The following XPO4 variants were observed in gnomAD, a reference collection of about 807,000 sequenced individuals.
XPO4 encodes the protein exportin 4.
XPO4 carries 39 observed loss-of-function variants against 143.0 expected under a neutral mutation model. The ratio of observed to expected loss-of-function variants is 0.27; its 90% CI spans 0.21 to 0.36. XPO4 has a LOEUF of 0.36. Among genes scored for constraint, XPO4 ranks in the 10% least tolerant of loss-of-function variants. XPO4 has a pLI of 1.00. For missense variants in XPO4, 907 were observed against 1,348.0 expected (o/e 0.67, Z 5.12); for synonymous variants, 439 against 474.0 (o/e 0.93, Z 0.96).
intron 7 of XPO4, 74 bp from the exon 8 acceptor site, chr13:20,822,363 G>T: frequency 7.6e-7 from 1 of 1,310,102 alleles, no homozygotes; most frequent in Non-Finnish European, 1.0e-6. Flanking sequence ...CATGCCGAAT[G>T]AGGTAAGACA....
intron 1 of XPO4, among the ~76,000 whole-genome samples, chr13:20,873,690 G>A (rs1198070250): frequency 6.6e-6 from 1 of 152,046 alleles, no homozygotes; most frequent in African/African-American, 2.4e-5. Flanking sequence ...GAGTGCAGTG[G>A]CACAATCTCG....
chr13:20,844,435 T>C (rs2060009945), intron 4 of XPO4, among the ~76,000 whole-genome samples: 1 of 152,202 alleles, frequency 6.6e-6, no homozygotes, highest in Non-Finnish European at 1.5e-5. Context: ...AAGATTTTTC[T>C]TCTCATTGGT....
chr13:20,868,695 G>A lies in XPO4; in HGVS notation c.76C>T (p.Pro26Ser). The change falls in exon 2 of 23, where the codon CCT becomes TCT. Residue 26 changes from proline (P) to serine (S), a missense_variant. Physicochemically the swap from Pro to Ser is moderately conservative, Grantham distance 74. Coordinates refer to ENST00000255305, the MANE Select transcript of XPO4 (RefSeq NM_022459.5). ...CGTTGTTCATTATTGACCATGGAAG[G>A]TGGTGCCTTGAGAGTTAAAGACAAG... ...ENAAKVLMAP[P>S]SMVNNEQRQH... The A allele has an allele frequency of 6.2e-7, 1 of 1,612,292 alleles. No homozygotes were observed. The highest frequency in any genetic ancestry group is 8.5e-7 in the Non-Finnish European group (1 of 1,179,268).
chr13:20,837,575 T>G, intron 6 of XPO4, among the ~76,000 whole-genome samples: 1 of 152,118 alleles, frequency 6.6e-6, no homozygotes, highest in Non-Finnish European at 1.5e-5. Context: ...CTGGCTAATT[T>G]TTTGTAAGAG....
chr13:20,898,950 A>T (rs184274990), intron 1 of XPO4, among the ~76,000 whole-genome samples: 219 of 152,166 alleles, frequency 1.4e-3, no homozygotes, highest in African/African-American at 5.1e-3. Context: ...CCAAGGCAAG[A>T]GTATCACTTG....
chr13:20,808,515 A>G lies in XPO4; in HGVS notation c.1560T>C (p.Ala520=), dbSNP rs1283820064. The G allele has an allele frequency of 5.1e-6, 8 of 1,577,490 alleles. No individual in the cohort carries two copies. The highest frequency in any genetic ancestry group is 6.9e-6 in the Non-Finnish European group (8 of 1,153,102). ...QLQRHQQQLL[A]SPGSSTVDNK... is the part of the protein sequence containing the mutation. ...TGTCAACAGTGCTTGAACCCGGTGAAGCAAGTAACTGTTGCTGATGTCGTT... is the reference window on the plus strand; with the variant it reads ...TGTCAACAGTGCTTGAACCCGGTGAGGCAAGTAACTGTTGCTGATGTCGTT... Residue 520 remains alanine, a synonymous_variant, in exon 12 of 23, where the codon GCT becomes GCC. Coordinates refer to ENST00000255305, the MANE Select transcript of XPO4 (RefSeq NM_022459.5).
intron 7 of XPO4, among the ~76,000 whole-genome samples, chr13:20,823,623 A>AT (rs913940876): frequency 6.7e-6 from 1 of 149,110 alleles, no homozygotes; most frequent in Non-Finnish European, 1.5e-5. Flanking sequence ...TAAAAATAAT[A>AT]TTTTGTGACC....
chr13:20,809,661 G>A (rs1298995971), intron 10 of XPO4, 130 bp downstream of exon 10: 2 of 1,018,598 alleles, frequency 2.0e-6, no homozygotes, highest in South Asian at 4.4e-5. Flanking sequence ...AGAGAACAAG[G>A]CCACTTTTGC....
intron 4 of XPO4, among the ~76,000 whole-genome samples, chr13:20,854,433 T>C (rs1277540302): frequency 6.6e-6 from 1 of 152,172 alleles, no homozygotes; most frequent in Non-Finnish European, 1.5e-5. Flanking sequence ...AAGCATCAAC[T>C]ACATCGTTAA....
chr13:20,863,248 C>A, intron 2 of XPO4: 1 of 321,094 alleles, frequency 3.1e-6, no homozygotes, highest in African/African-American at 2.2e-5. Flanking sequence ...ATAAACTAGT[C>A]ATTGAACATT....
At position 20,790,665 on chromosome 13, in the gene XPO4, C is replaced by T. The variant is rs2059268329; in HGVS notation, c.2798-85G>A. On this transcript the variant is annotated intron_variant, in intron 18 of 22. Transcript: ENST00000255305. ...TATTCTACCCTTATGAAAATAAACT[C>T]ACCCCTAGAGGCTAAATAAATCAAT... 6 of 1,048,678 alleles carry T rather than the reference C, an allele frequency of 5.7e-6. No homozygotes were observed. The South Asian group carries it at 8.1e-5, about 14-fold the overall frequency. The allele number at this position is 1,048,678 out of a possible 1,614,324, so 65.0% of individuals were successfully genotyped here.
intron 6 of XPO4, among the ~76,000 whole-genome samples, chr13:20,839,774 AG>A (rs2059955441): frequency 6.6e-6 from 1 of 152,188 alleles, no homozygotes; most frequent in Admixed American, 6.5e-5. Flanking sequence ...ACCTGAGGTC[AG>A]GAGTTCAAGA....
intron 3 of XPO4, among the ~76,000 whole-genome samples, chr13:20,856,598 T>C (rs1329623467): frequency 6.6e-6 from 1 of 152,180 alleles, no homozygotes; most frequent in Non-Finnish European, 1.5e-5. Context: ...GTGGGAACCA[T>C]TCTAGCTTTC....
At chr13:20,797,490 G>A (rs752278299) in intron 16 of XPO4, among the ~76,000 whole-genome samples, 21 of 152,046 alleles carry the variant, frequency 1.4e-4, no homozygotes, top group African/African-American at 3.9e-4. Flanking sequence ...GGCACAGAAC[G>A]TAACTTCAGA....
rs1324555158 is a variant in XPO4, at chr13:20,783,009, G to C, written c.*713C>G. 1 of 152,330 alleles carries C rather than the reference G, an allele frequency of 6.6e-6. No individual in the cohort carries two copies. The highest frequency in any genetic ancestry group is 1.5e-5 in the Non-Finnish European group (1 of 68,056). The allele number at this position is 152,330 out of a possible 1,614,324, so 9.4% of individuals were successfully genotyped here. A position where few individuals can be genotyped will look rare whatever the true frequency, so the allele number is the denominator to read the frequency against. Reference sequence around the variant, plus strand: ...AAGAGAGAGACAGAAAGCAAGAAAAGCAAGAAAGCAAGCAAGCAAGAAAGC... The same window carrying C: ...AAGAGAGAGACAGAAAGCAAGAAAACCAAGAAAGCAAGCAAGCAAGAAAGC... On this transcript the variant is annotated 3_prime_UTR_variant, in exon 23 of 23. Transcript: ENST00000255305.
At chr13:20,869,024 T>C (rs747444311) in intron 1 of XPO4, among the ~76,000 whole-genome samples, 18 of 152,170 alleles carry the variant, frequency 1.2e-4, no homozygotes, top group Non-Finnish European at 2.5e-4. Flanking sequence ...TTATCACCTT[T>C]TATTCCAAAA....
intron 18 of XPO4, among the ~76,000 whole-genome samples, chr13:20,790,783 G>A (rs2059269738): frequency 6.6e-6 from 1 of 152,146 alleles, no homozygotes; most frequent in Non-Finnish European, 1.5e-5. Context: ...AAAGATCTGA[G>A]ACCCCAGCCC....
chr13:20,836,616 T>C (rs2059919680), intron 6 of XPO4, among the ~76,000 whole-genome samples: 1 of 152,220 alleles, frequency 6.6e-6, no homozygotes, highest in East Asian at 1.9e-4. Flanking sequence ...GCAGTTGACC[T>C]GTGTGAAGTG....
rs2059145473 is a variant in XPO4 at position 20,781,658 on chromosome 13, C to T, written c.*2064G>A. On this transcript the variant is annotated 3_prime_UTR_variant, in exon 23 of 23. Coordinates refer to ENST00000255305, the MANE Select transcript of XPO4 (RefSeq NM_022459.5). ...TTTACTTACCAAGGCATTCCTTTCC[C>T]ACTCCTCTTTAGTTTTAATAACTTG... 6.6e-6 allele frequency: 1 copy of T among 152,112 alleles called. No homozygotes were observed. The highest frequency in any genetic ancestry group is 2.4e-5 in the African/African-American group (1 of 41,404). The allele number at this position is 152,112 out of a possible 1,614,324, so 9.4% of individuals were successfully genotyped here.
Sources: gnomAD v4.1 joint callset for allele counts (sites outside exome capture counted in the v4.1 genomes callset) on GRCh38, gnomAD v4.1.1 for gene constraint, MANE v1.5 for transcripts, NCBI Gene and HGNC (gene_info 2026-07-23, HGNC 2026-07-21) for gene names.